The following LIMS2 variants were observed in gnomAD, a reference collection of about 807,000 sequenced individuals.
The protein encoded by LIMS2 is LIM and senescent cell antigen-like-containing domain protein 2.
A neutral mutation model predicts 45.3 loss-of-function variants in LIMS2; 30 were observed. That is an observed-to-expected ratio of 0.66 (90% CI 0.50 to 0.90). The LOEUF is 0.90. Ranked by LOEUF, LIMS2 falls within the 40% of genes least tolerant of loss-of-function variation. LIMS2 has a pLI of 0.00. For synonymous variants in LIMS2, 173 were observed against 188.0 expected (o/e 0.92, Z 0.65); for missense variants, 485 against 468.7 (o/e 1.03, Z -0.32).
At position 127,672,412 on chromosome 2, in the gene LIMS2, C is replaced by G. The variant is rs539271373; in HGVS notation, c.11+2602G>C. 6.6e-6 allele frequency among the ~76,000 whole-genome samples: 1 copy of G among 152,288 alleles called. No individual in the cohort carries two copies. The highest frequency in any genetic ancestry group is 1.9e-4 in the East Asian group (1 of 5,168). On this transcript the variant is annotated intron_variant, in intron 1 of 9. Transcript: ENST00000355119. The surrounding 1 kb of genome is among the most constrained non-coding windows in gnomAD (Gnocchi z 4.9). ...AGCTGGCTACTCCTGGGCTTCAGCC[C>G]CTCCATGCCCAGGTGCCTCCCACGG...
chr2:127,664,606 G>A lies in LIMS2; in HGVS notation c.12-7044C>T. 2 of 1,118,360 alleles carry A rather than the reference G, an allele frequency of 1.8e-6. No individual in the cohort carries two copies. The highest frequency in any genetic ancestry group is 2.2e-6 in the Non-Finnish European group (2 of 916,236). The allele number at this position is 1,118,360 out of a possible 1,614,324, so 69.3% of individuals were successfully genotyped here. ...AAATAGAAAGGATATTGTTCGCGCC[G>A]CGGGGGCAGCTCCTGAAAGCTGAGG... On this transcript the variant is annotated intron_variant, in intron 1 of 9. Coordinates refer to ENST00000355119, the MANE Select transcript of LIMS2 (RefSeq NM_001161403.3). This position sits in a 1 kb window ranked among gnomAD's most constrained non-coding sequence, Gnocchi z 5.5.
At chr2:127,651,355 C>G in intron 4 of LIMS2, 1 of 1,612,276 alleles carries the variant, frequency 6.2e-7, no homozygotes, top group Non-Finnish European at 8.5e-7. Flanking sequence ...CCGTTCATCA[C>G]CACGGTCACC....
chr2:127,674,941 G>A, intron 1 of LIMS2, 73 bp downstream of exon 1: 3 of 1,224,814 alleles, frequency 2.4e-6, no homozygotes, highest in Non-Finnish European at 2.0e-6. Context: ...GCTGTACGAG[G>A]GCGAGCTGCG....
At chr2:127,639,495 T>C (rs887946109) in intron 9 of LIMS2, 67 bp from the exon 10 acceptor site, 15 of 1,576,118 alleles carry the variant, frequency 9.5e-6, no homozygotes, top group Non-Finnish European at 1.3e-5. Context: ...CAGGTGACTG[T>C]GGAGTGGGCT....
chr2:127,639,463 C>A (rs766452195), intron 9 of LIMS2, 35 bp from the exon 10 acceptor site: 1 of 1,609,858 alleles, frequency 6.2e-7, no homozygotes, highest in Non-Finnish European at 8.5e-7. Context: ...CAGAGCCCCA[C>A]GCCCACCCCT....
chr2:127,648,507 G>A (rs1683242249), intron 4 of LIMS2, among the ~76,000 whole-genome samples: 2 of 152,228 alleles, frequency 1.3e-5, no homozygotes, highest in South Asian at 4.2e-4. Context: ...ATATGAGGAT[G>A]GCTCCAGCCT....
chr2:127,642,120 T>A lies in LIMS2; in HGVS notation c.589A>T (p.Ile197Phe), dbSNP rs1558868736. The A allele has an allele frequency of 6.2e-7, 1 of 1,607,948 alleles. No individual in the cohort carries two copies. The change falls in exon 6 of 10, where the codon ATC (isoleucine) becomes TTC (phenylalanine). Residue 197 changes from isoleucine to phenylalanine, a missense_variant. Transcript: ENST00000355119. The surrounding 1 kb of genome is among the most constrained non-coding windows in gnomAD (Gnocchi z 5.3). ...LPCHDKMGVP[I>F]CGACRRPIEG... is the part of the protein sequence containing the mutation. ...ATGGGCCGGCGGCAGGCCCCGCAGA[T>A]GGGGACGCCCATCTTGTCATGGCAG...
chr2:127,640,810 G>A, intron 7 of LIMS2, 86 bp downstream of exon 7: 2 of 1,223,144 alleles, frequency 1.6e-6, no homozygotes, highest in Non-Finnish European at 2.4e-6. Context: ...GCTCCTGAGG[G>A]GGTGCCCACA....
At chr2:127,648,982 G>A (rs1479441367) in intron 4 of LIMS2, among the ~76,000 whole-genome samples, 10 of 26,662 alleles carry the variant, frequency 3.8e-4, no homozygotes, top group Non-Finnish European at 4.8e-4. Context: ...GGGGAGGGAG[G>A]GGAGGGGAGG....
rs76139606 is a variant in LIMS2, at chr2:127,667,404, C to T, written c.11+7610G>A. 0.046 allele frequency among the ~76,000 whole-genome samples: 7,044 copies of T among 152,294 alleles called. 233 individuals are homozygous for T. The highest frequency in any genetic ancestry group is 0.074 in the African/African-American group (3,092 of 41,562). On this transcript the variant is annotated intron_variant, in intron 1 of 9. Transcript: ENST00000355119. The surrounding 1 kb of genome is among the most constrained non-coding windows in gnomAD (Gnocchi z 4.1). Reference sequence around the variant, plus strand: ...TCACAACTCATTCTATAAATATTATCTTGATCTCAAAATAAAATGCTAAAG... The same window carrying T: ...TCACAACTCATTCTATAAATATTATTTTGATCTCAAAATAAAATGCTAAAG...
chr2:127,647,020 G>C lies in LIMS2; in HGVS notation c.360-3948C>G, dbSNP rs575689682. Among the ~76,000 whole-genome samples the C allele has an allele frequency of 2.2e-4, 34 of 152,276 alleles. No homozygotes were observed. Among genetic ancestry groups the C allele is most frequent in the Non-Finnish European group, 2.8e-4 (19 of 68,006 alleles). On this transcript the variant is annotated intron_variant, in intron 4 of 9. Coordinates refer to ENST00000355119, the MANE Select transcript of LIMS2 (RefSeq NM_001161403.3). This position sits in a 1 kb window ranked among gnomAD's most constrained non-coding sequence, Gnocchi z 4.3. ...AGCGAGGGGCACGCCCTTCGGCCCGGGCAGGAAGTGGAGGGCAGTGCCCAG... is the reference window on the plus strand; with the variant it reads ...AGCGAGGGGCACGCCCTTCGGCCCGCGCAGGAAGTGGAGGGCAGTGCCCAG...
rs115961120 is a variant in LIMS2, at chr2:127,640,153, G to C, written c.803-8C>G. 0.017 allele frequency: 28,058 copies of C among 1,613,234 alleles called. 302 individuals carry two copies. Among genetic ancestry groups the C allele is most frequent in the Non-Finnish European group, 0.02 (23,460 of 1,179,966 alleles). ...TGTTGAGGGCCGACACCACTGTGAG[G>C]GAAGCGTGGGACTCAGCAGGCCTGG... On this transcript the variant is annotated splice_polypyrimidine_tract_variant and splice_region_variant and intron_variant, in intron 8 of 9. Coordinates refer to ENST00000355119, the MANE Select transcript of LIMS2 (RefSeq NM_001161403.3).
At chr2:127,640,560 C>T (rs1682303282) in intron 7 of LIMS2, 2 of 604,680 alleles carry the variant, frequency 3.3e-6, no homozygotes. Flanking sequence ...CCACTGCTGT[C>T]CTGCAAGGAG....
In LIMS2 at chr2:127,673,684, C is replaced by T. The variant is rs113414022; in HGVS notation, c.11+1330G>A. 24 of 1,551,458 alleles carry T rather than the reference C, an allele frequency of 1.5e-5. No homozygotes were observed. The African/African-American group carries it at 1.8e-4, about 12-fold the overall frequency. Reference sequence around the variant, plus strand: ...GGAACCGCCTCTCACCCACCTCCACCTCAATGCTGCTGCTGGGGCTGCTCC... The same window carrying T: ...GGAACCGCCTCTCACCCACCTCCACTTCAATGCTGCTGCTGGGGCTGCTCC... On this transcript the variant is annotated intron_variant, in intron 1 of 9. Coordinates refer to ENST00000355119, the MANE Select transcript of LIMS2 (RefSeq NM_001161403.3).
At chr2:127,661,960 C>T (rs1441861044) in intron 1 of LIMS2, among the ~76,000 whole-genome samples, 1 of 152,158 alleles carries the variant, frequency 6.6e-6, no homozygotes, top group African/African-American at 2.4e-5. Context: ...TTCCTCCATC[C>T]CAGCCTTCCT....
Position 127,664,650 on chromosome 2 carries a change from C to T in LIMS2, c.12-7088G>A. 3 of 1,074,874 alleles carry T rather than the reference C, an allele frequency of 2.8e-6. No homozygotes were observed. The highest frequency in any genetic ancestry group is 3.4e-6 in the Non-Finnish European group (3 of 886,452). The allele number at this position is 1,074,874 out of a possible 1,614,324, so 66.6% of individuals were successfully genotyped here. A position where few individuals can be genotyped will look rare whatever the true frequency, so the allele number is the denominator to read the frequency against. ...GCTGAGGCTGGCGGGGGTTGGGTCC[C>T]GCTGGGAGGGGACTGGTCTGGGAAG... On this transcript the variant is annotated intron_variant, in intron 1 of 9. Transcript: ENST00000355119. The surrounding 1 kb of genome is among the most constrained non-coding windows in gnomAD (Gnocchi z 5.5).
chr2:127,665,032 C>G (rs1407009986), intron 1 of LIMS2, among the ~76,000 whole-genome samples: 1 of 152,176 alleles, frequency 6.6e-6, no homozygotes, highest in Non-Finnish European at 1.5e-5. Flanking sequence ...CCTCCAGCTT[C>G]CAGGGGAGCA....
At chr2:127,641,949 G>A (rs775874658) in intron 6 of LIMS2, 100 bp downstream of exon 6, 50 of 1,371,458 alleles carry the variant, frequency 3.6e-5, no homozygotes, top group Non-Finnish European at 4.6e-5. Context: ...CCAGCCACCC[G>A]CCCTGGGCTG....
Position 127,664,387 on chromosome 2 carries a change from A to G in LIMS2, c.12-6825T>C. The G allele has an allele frequency of 8.3e-7, 1 of 1,207,766 alleles. No homozygotes were observed. The highest frequency in any genetic ancestry group is 3.4e-5 in the East Asian group (1 of 29,372). The allele number at this position is 1,207,766 out of a possible 1,614,324, so 74.8% of individuals were successfully genotyped here. On this transcript the variant is annotated intron_variant, in intron 1 of 9. Coordinates refer to ENST00000355119, the MANE Select transcript of LIMS2 (RefSeq NM_001161403.3). The surrounding 1 kb of genome is among the most constrained non-coding windows in gnomAD (Gnocchi z 5.5). ...GGCCAGCGCACCCAGCCGGGCCGCC[A>G]TGGCGCGGGGCAGCCGCCTTGAGGT...
Sources: allele counts gnomAD v4.1 joint callset (sites outside exome capture counted in the v4.1 genomes callset), GRCh38; gene constraint gnomAD v4.1.1; non-coding constraint Gnocchi (gnomAD v3.1); transcripts MANE v1.5; gene names NCBI Gene and HGNC (gene_info 2026-07-23, HGNC 2026-07-21).